The following PXT1 variants were observed in gnomAD, a reference collection of about 807,000 sequenced individuals.
PXT1 encodes the protein peroxisomal testis enriched protein 1, also known as peroxisomal testis-specific protein 1.
In PXT1, 11 loss-of-function variants were observed where a neutral mutation model predicts 11.0. That is an observed-to-expected ratio of 1.00 (90% CI 0.63 to 1.66). The LOEUF (loss-of-function observed/expected upper bound fraction) is 1.66, where lower values mean the gene tolerates loss of function less well. Ranked by LOEUF, PXT1 falls within the 40% of genes most tolerant of loss-of-function variation. The pLI is 0.00. For missense variants in PXT1, 141 were observed against 155.5 expected (o/e 0.91, Z 0.49); for synonymous variants, 43 against 51.4 (o/e 0.84, Z 0.70).
At position 36,425,583 on chromosome 6, in the gene PXT1, G is replaced by A. The variant is rs368380489; in HGVS notation, c.169+331C>T. Among the ~76,000 whole-genome samples the A allele has an allele frequency of 2.4e-4, 36 of 151,886 alleles. 1 individual carries two copies. In the South Asian group the frequency reaches 6.9e-3, roughly 29 times the overall value. The stretch of plus-strand genomic sequence containing the variant: ...GGGGATCAGTTGAGGTCAGGGGTTC[G>A]AGACCAGCCTGGCCAACATGGTGAA... On this transcript the variant is annotated intron_variant, in intron 3 of 4. Transcript: ENST00000454782.
rs143718138 is a variant in PXT1, at chr6:36,407,631, T to A, written c.170-7047A>T. Among the ~76,000 whole-genome samples the A allele has an allele frequency of 2.9e-3, 435 of 151,844 alleles. 4 individuals carry two copies. Among genetic ancestry groups the A allele is most frequent in the African/African-American group, 0.01 (421 of 41,414 alleles). ...ATGTTGCCCAGGCTGGACTTGAACT[T>A]CTGGGCTCAAGCAATCCTCCTGCCT... On this transcript the variant is annotated intron_variant, in intron 3 of 4. Coordinates refer to ENST00000454782, the MANE Select transcript of PXT1 (RefSeq NM_152990.4).
intron 2 of PXT1, among the ~76,000 whole-genome samples, chr6:36,430,724 C>A (rs1208019702): frequency 6.6e-6 from 1 of 152,154 alleles, no homozygotes; most frequent in Admixed American, 6.5e-5. Context: ...TTTGTTACAG[C>A]AACAGTAGAA....
Position 36,407,004 on chromosome 6 carries a change from T to A in PXT1, c.170-6420A>T, listed in dbSNP as rs116350840. The stretch of plus-strand genomic sequence containing the variant: ...TAAATATCTATATCCATTATTTCCA[T>A]TGTCCAGAGCTGTCGAATGTACATA... On this transcript the variant is annotated intron_variant, in intron 3 of 4. Transcript: ENST00000454782. Among the ~76,000 whole-genome samples, 821 of 152,314 alleles carry A rather than the reference T, an allele frequency of 5.4e-3. 4 individuals are homozygous for A. Among genetic ancestry groups the A allele is most frequent in the African/African-American group, 0.019 (778 of 41,560 alleles).
rs375866258 is a variant in PXT1 at position 36,426,440 on chromosome 6, G to A, written c.-9-349C>T. Among the ~76,000 whole-genome samples, 80 of 134,352 alleles carry A rather than the reference G, an allele frequency of 6.0e-4. 1 individual carries two copies. Among genetic ancestry groups the A allele is most frequent in the East Asian group, 3.5e-3 (15 of 4,328 alleles). The allele number at this position is 134,352 out of a possible 152,430, so 88.1% of individuals were successfully genotyped here. On this transcript the variant is annotated intron_variant, in intron 2 of 4. Coordinates refer to ENST00000454782, the MANE Select transcript of PXT1 (RefSeq NM_152990.4). ...GGCTGGAGTGCCATGGCCCCATCTCGGCTCACCACAACCTCTGCCTTCTGG... is the reference window on the plus strand; with the variant it reads ...GGCTGGAGTGCCATGGCCCCATCTCAGCTCACCACAACCTCTGCCTTCTGG...
intron 3 of PXT1, among the ~76,000 whole-genome samples, chr6:36,410,402 A>T (rs1774355430): frequency 6.6e-6 from 1 of 151,316 alleles, no homozygotes; most frequent in South Asian, 2.1e-4. Flanking sequence ...GTGAGCCGAG[A>T]TAGCGCCATT....
intron 1 of PXT1, among the ~76,000 whole-genome samples, chr6:36,439,377 G>A (rs1018759915): frequency 2.0e-5 from 3 of 151,306 alleles, no homozygotes; most frequent in Non-Finnish European, 4.4e-5. Flanking sequence ...TTTGGGAGGC[G>A]GAGGCGGGTG....
chr6:36,414,226 A>G (rs530311110), intron 3 of PXT1, among the ~76,000 whole-genome samples: 2 of 152,234 alleles, frequency 1.3e-5, no homozygotes, highest in Admixed American at 6.5e-5. Context: ...CCAGAATCTC[A>G]GTGATGCAGT....
At position 36,390,713 on chromosome 6, in the gene PXT1, G is replaced by A. The variant is rs1774053725; in HGVS notation, c.*1057C>T. The A allele has an allele frequency of 6.6e-6, 1 of 152,218 alleles. No homozygotes were observed. Among genetic ancestry groups the A allele is most frequent in the African/African-American group, 2.4e-5 (1 of 41,470 alleles). 9.4% of individuals were successfully genotyped at this position (152,218 alleles called of 1,614,324 possible). ...TTAAAGGAGGGGAGAGAGGGACTAT[G>A]AGGTAGACAAAAAGGTAAAAGAAGA... On this transcript the variant is annotated 3_prime_UTR_variant, in exon 5 of 5. Transcript: ENST00000454782.
chr6:36,442,331 G>C (rs758381038), intron 1 of PXT1, among the ~76,000 whole-genome samples: 1 of 152,128 alleles, frequency 6.6e-6, no homozygotes, highest in East Asian at 1.9e-4. Context: ...GCCCGGCCTA[G>C]TGTAATTTTT....
chr6:36,404,203 G>T (rs1774254837), intron 3 of PXT1, among the ~76,000 whole-genome samples: 1 of 152,186 alleles, frequency 6.6e-6, no homozygotes, highest in African/African-American at 2.4e-5. Context: ...CTTTTAAAAT[G>T]TATTAATGGG....
At position 36,391,598 on chromosome 6, in the gene PXT1, C is replaced by A; in HGVS notation, c.*172G>T. On this transcript the variant is annotated 3_prime_UTR_variant, in exon 5 of 5. Coordinates refer to ENST00000454782, the MANE Select transcript of PXT1 (RefSeq NM_152990.4). ...CTCATAGCTAGCTCCTCCGAAGAGA[C>A]AAATGGCTCGTGAACCCGCAGTTCT... The A allele has an allele frequency of 1.6e-6, 1 of 637,894 alleles. No individual in the cohort carries two copies. The highest frequency in any genetic ancestry group is 1.8e-5 in the South Asian group (1 of 55,878). The allele number at this position is 637,894 out of a possible 1,614,324, so 39.5% of individuals were successfully genotyped here. A position where few individuals can be genotyped will look rare whatever the true frequency, so the allele number is the denominator to read the frequency against.
intron 3 of PXT1, 137 bp downstream of exon 3, chr6:36,425,777 G>A (rs1774593193): frequency 8.0e-6 from 2 of 250,426 alleles, no homozygotes; most frequent in Admixed American, 1.2e-4. Flanking sequence ...GACAGAGCGA[G>A]ACTCTGTCTC....
chr6:36,413,193 C>A (rs764125646), intron 3 of PXT1, among the ~76,000 whole-genome samples: 30 of 151,360 alleles, frequency 2.0e-4, no homozygotes, highest in Non-Finnish European at 4.0e-4. Flanking sequence ...CCGAGGTGGG[C>A]GGATCACGAG....
In PXT1 at chr6:36,413,157, G is replaced by A. The variant is rs569989911; in HGVS notation, c.170-12573C>T. 3.3e-5 allele frequency among the ~76,000 whole-genome samples: 5 copies of A among 152,262 alleles called. 1 individual carries two copies. The highest frequency in any genetic ancestry group is 4.1e-4 in the South Asian group (2 of 4,822). The stretch of plus-strand genomic sequence containing the variant: ...ATCCTGGCCGGACACGGTGGCTCAC[G>A]CCGGTAATCCCAGCACTTTGGGAGG... On this transcript the variant is annotated intron_variant, in intron 3 of 4. Transcript: ENST00000454782.
chr6:36,424,222 A>C (rs1774568425), intron 3 of PXT1, among the ~76,000 whole-genome samples: 1 of 152,360 alleles, frequency 6.6e-6, no homozygotes, highest in African/African-American at 2.4e-5. Context: ...CGTACACTTT[A>C]AAAGGGTGAA....
At chr6:36,394,479 T>A (rs1243858630) in intron 4 of PXT1, among the ~76,000 whole-genome samples, 1 of 152,030 alleles carries the variant, frequency 6.6e-6, no homozygotes, top group Non-Finnish European at 1.5e-5. Context: ...TTAGGCTAAT[T>A]CGAGGTGAGT....
At chr6:36,411,675 C>T (rs1774377450) in intron 3 of PXT1, among the ~76,000 whole-genome samples, 1 of 151,964 alleles carries the variant, frequency 6.6e-6, no homozygotes, top group African/African-American at 2.4e-5. Flanking sequence ...TACAAGGTGG[C>T]TCATGCCTGT....
chr6:36,438,399 ACAC>A (rs1774800534), intron 2 of PXT1, among the ~76,000 whole-genome samples: 1 of 152,092 alleles, frequency 6.6e-6, no homozygotes. Context: ...GATTAGTGCA[ACAC>A]TATGTTTTGT....
intron 2 of PXT1, among the ~76,000 whole-genome samples, chr6:36,433,498 G>T (rs1774721295): frequency 6.6e-6 from 1 of 152,020 alleles, no homozygotes; most frequent in Non-Finnish European, 1.5e-5. Context: ...AAAATGGTAG[G>T]CAGATGGGGA....
Sources: allele counts gnomAD v4.1 joint callset (sites outside exome capture counted in the v4.1 genomes callset), GRCh38; gene constraint gnomAD v4.1.1; transcripts MANE v1.5; gene names NCBI Gene and HGNC (gene_info 2026-07-23, HGNC 2026-07-21).